Variants in NEO1 observed in about 807,000 individuals in gnomAD.
The protein encoded by NEO1 is neogenin.
In NEO1, 63 loss-of-function variants were observed where a neutral mutation model predicts 159.7. The ratio of observed to expected loss-of-function variants is 0.39; its 90% CI spans 0.32 to 0.49. The LOEUF is 0.49. Among genes scored for constraint, NEO1 ranks in the 20% least tolerant of loss-of-function variants. The probability of loss-of-function intolerance (pLI) is 0.85; values close to 1 mark genes in which losing one functional copy is unlikely to be tolerated. For missense variants in NEO1, 1,615 were observed against 1,831.0 expected (o/e 0.88, Z 2.15); for synonymous variants, 633 against 662.0 (o/e 0.96, Z 0.67).
At chr15:73,080,136 G>A (rs2068966828) in intron 1 of NEO1, among the ~76,000 whole-genome samples, 1 of 152,148 alleles carries the variant, frequency 6.6e-6, no homozygotes, top group South Asian at 2.1e-4. Flanking sequence ...GAAAGAAGTG[G>A]ATGAGTATGC....
At chr15:73,219,368 G>A (rs1330523493) in intron 7 of NEO1, among the ~76,000 whole-genome samples, 1 of 145,054 alleles carries the variant, frequency 6.9e-6, no homozygotes, top group African/African-American at 2.5e-5. Context: ...TGTAATAGGT[G>A]TGGTGTGGTG....
At chr15:73,284,180 C>G (rs1332893807) in intron 23 of NEO1, among the ~76,000 whole-genome samples, 1 of 152,024 alleles carries the variant, frequency 6.6e-6, no homozygotes. Flanking sequence ...AAAGGAGATT[C>G]CTGAGTTATT....
At chr15:73,247,437 C>G (rs1567593498) in intron 9 of NEO1, among the ~76,000 whole-genome samples, 1 of 152,104 alleles carries the variant, frequency 6.6e-6, no homozygotes, top group Admixed American at 6.5e-5. Context: ...TTTTGTTTTT[C>G]TTCTCCTTTA....
At chr15:73,110,069 TTAATTTTC>T (rs1306295944) in intron 1 of NEO1, among the ~76,000 whole-genome samples, 6 of 152,182 alleles carry the variant, frequency 3.9e-5, no homozygotes, top group African/African-American at 7.2e-5. Context: ...TTAAATTATT[TTAATTTTC>T]TAATTTTCTA....
intron 14 of NEO1, among the ~76,000 whole-genome samples, chr15:73,259,349 G>A (rs552755978): frequency 1.4e-5 from 2 of 148,072 alleles, no homozygotes; most frequent in South Asian, 2.2e-4. Flanking sequence ...CTGAGTTCTT[G>A]TTCTGAGTCT....
intron 9 of NEO1, 42 bp downstream of exon 9, chr15:73,244,540 C>T (rs776912859): frequency 6.3e-7 from 1 of 1,595,970 alleles, no homozygotes; most frequent in Middle Eastern, 1.7e-4. Context: ...TAGAGGTAGA[C>T]CTCTCTGAAG....
intron 7 of NEO1, among the ~76,000 whole-genome samples, chr15:73,190,651 C>A (rs906526630): frequency 1.3e-5 from 2 of 152,098 alleles, no homozygotes; most frequent in Non-Finnish European, 2.9e-5. Flanking sequence ...AATTTCAAAG[C>A]ACTAGGATGT....
At chr15:73,206,452 A>G (rs542468874) in intron 7 of NEO1, among the ~76,000 whole-genome samples, 17 of 152,232 alleles carry the variant, frequency 1.1e-4, no homozygotes, top group Admixed American at 3.9e-4. Context: ...TTTATTCATA[A>G]AAGTTTGTCA....
intron 7 of NEO1, among the ~76,000 whole-genome samples, chr15:73,198,697 T>C (rs2036681284): frequency 6.6e-6 from 1 of 152,088 alleles, no homozygotes; most frequent in Non-Finnish European, 1.5e-5. Flanking sequence ...AGATTTTTGC[T>C]TTTCATGCCA....
chr15:73,130,200 C>T (rs1302704388), intron 4 of NEO1, among the ~76,000 whole-genome samples: 1 of 152,128 alleles, frequency 6.6e-6, no homozygotes, highest in African/African-American at 2.4e-5. Flanking sequence ...TCTCAAACTC[C>T]TGGCCTCAAG....
intron 23 of NEO1, among the ~76,000 whole-genome samples, chr15:73,286,604 GT>G (rs2151114145): frequency 6.6e-6 from 1 of 152,266 alleles, no homozygotes; most frequent in Non-Finnish European, 1.5e-5. Flanking sequence ...TGCACACACA[GT>G]TGCCTCTTCT....
At chr15:73,113,505 T>C (rs1460461483) in intron 1 of NEO1, among the ~76,000 whole-genome samples, 1 of 152,168 alleles carries the variant, frequency 6.6e-6, no homozygotes, top group Non-Finnish European at 1.5e-5. Context: ...CCAGGGTCAT[T>C]TCAAACTTCT....
At chr15:73,088,540 A>G (rs1367896830) in intron 1 of NEO1, among the ~76,000 whole-genome samples, 4 of 152,130 alleles carry the variant, frequency 2.6e-5, no homozygotes, top group Non-Finnish European at 5.9e-5. Flanking sequence ...GATGCAAAAT[A>G]AATTTTGAAG....
chr15:73,096,573 T>C (rs2070047625), intron 1 of NEO1, among the ~76,000 whole-genome samples: 1 of 152,172 alleles, frequency 6.6e-6, no homozygotes. Context: ...GGCCAAAGAA[T>C]GGTAACATCT....
chr15:73,283,200 T>C, intron 23 of NEO1, 89 bp downstream of exon 23: 1 of 1,402,398 alleles, frequency 7.1e-7, no homozygotes, highest in Non-Finnish European at 9.8e-7. Context: ...TACACAAAGT[T>C]AAGACATAAA....
At chr15:73,054,772 G>A (rs1055546628) in intron 1 of NEO1, among the ~76,000 whole-genome samples, 1 of 152,220 alleles carries the variant, frequency 6.6e-6, no homozygotes, top group Non-Finnish European at 1.5e-5. Context: ...GCAATAAGGA[G>A]GGGTTGGTCA....
chr15:73,303,769 G>C lies in NEO1; in HGVS notation c.*1073G>C, dbSNP rs999156729. On this transcript the variant is annotated 3_prime_UTR_variant, in exon 29 of 29. Coordinates refer to ENST00000261908, the MANE Select transcript of NEO1 (RefSeq NM_002499.4). ...TGTCCATGCTGAGGAGCCAGATGTTGTATTTCTAACTGCCTGAGTCACACA... is the reference window on the plus strand; with the variant it reads ...TGTCCATGCTGAGGAGCCAGATGTTCTATTTCTAACTGCCTGAGTCACACA... 4 of 152,210 alleles carry C rather than the reference G, an allele frequency of 2.6e-5. No homozygotes were observed. Among genetic ancestry groups the C allele is most frequent in the Non-Finnish European group, 5.9e-5 (4 of 68,062 alleles). 9.4% of individuals were successfully genotyped at this position (152,210 alleles called of 1,614,324 possible).
chr15:73,058,945 C>T (rs2067849505), intron 1 of NEO1, among the ~76,000 whole-genome samples: 1 of 152,066 alleles, frequency 6.6e-6, no homozygotes, highest in Non-Finnish European at 1.5e-5. Context: ...CGCTAAAGCT[C>T]AGGTTATTGT....
rs1399520506 is a variant in NEO1 at position 73,190,732 on chromosome 15, T to C, written c.1291+12305T>C. Among the ~76,000 whole-genome samples the C allele has an allele frequency of 1.3e-5, 2 of 152,136 alleles. 1 individual carries two copies. The highest frequency in any genetic ancestry group is 2.9e-5 in the Non-Finnish European group (2 of 67,956). The stretch of plus-strand genomic sequence containing the variant: ...TTATTTTGCTTTTTTGTAACGGTAA[T>C]TATAACTTTAGGGAGAGTTTTATTC... On this transcript the variant is annotated intron_variant, in intron 7 of 28. Coordinates refer to ENST00000261908, the MANE Select transcript of NEO1 (RefSeq NM_002499.4).
Sources: allele counts gnomAD v4.1 joint callset (sites outside exome capture counted in the v4.1 genomes callset), GRCh38; gene constraint gnomAD v4.1.1; transcripts MANE v1.5; gene names NCBI Gene and HGNC (gene_info 2026-07-23, HGNC 2026-07-21).